The following TEX9 variants were observed in gnomAD, a reference collection of about 807,000 sequenced individuals.
TEX9 encodes the protein testis-expressed protein 9.
A neutral mutation model predicts 59.6 loss-of-function variants in TEX9; 74 were observed. That is an observed-to-expected ratio of 1.24 (90% CI 1.03 to 1.51). The LOEUF (loss-of-function observed/expected upper bound fraction) is 1.51, where lower values mean the gene tolerates loss of function less well. TEX9 is among the 40% of genes most tolerant of loss of function. The pLI is 0.00. For missense variants in TEX9, 522 were observed against 447.8 expected (o/e 1.17, Z -1.49); for synonymous variants, 186 against 152.2 (o/e 1.22, Z -1.64).
upstream of TEX9, among the ~76,000 whole-genome samples, chr15:56,364,685 T>C (rs1420717527): frequency 7.2e-5 from 11 of 152,188 alleles, no homozygotes; most frequent in African/African-American, 2.7e-4. Context: ...TGTCTCCCCA[T>C]CTGTTGAAGA....
At chr15:56,299,381 C>A (rs1227411689) in intron 1 of TEX9, among the ~76,000 whole-genome samples, 2 of 152,204 alleles carry the variant, frequency 1.3e-5, no homozygotes, top group Non-Finnish European at 2.9e-5. Flanking sequence ...GTGGTTGGAA[C>A]CTGAGTTCTG....
At chr15:56,443,584 T>C in intron 12 of TEX9, 1 of 1,585,462 alleles carries the variant, frequency 6.3e-7, no homozygotes, top group East Asian at 2.2e-5. Context: ...ATCCAAATTC[T>C]GTAACTAATA....
chr15:56,354,558 A>G (rs1266847484), intron 1 of TEX9, among the ~76,000 whole-genome samples: 1 of 152,230 alleles, frequency 6.6e-6, no homozygotes, highest in Non-Finnish European at 1.5e-5. Flanking sequence ...AGATTATTAC[A>G]TAATAATAAC....
chr15:56,386,571 C>A (rs80351429), intron 4 of TEX9, among the ~76,000 whole-genome samples: 4,629 of 151,876 alleles, frequency 0.03, 270 homozygotes, highest in African/African-American at 0.1. Flanking sequence ...TTAAGTACAT[C>A]AATTACACAT....
chr15:56,440,476 G>A (rs1193621262), intron 12 of TEX9, among the ~76,000 whole-genome samples: 1 of 152,148 alleles, frequency 6.6e-6, no homozygotes, highest in Non-Finnish European at 1.5e-5. Context: ...ATTTATTGCA[G>A]AGAAATGAAA....
intron 1 of TEX9, among the ~76,000 whole-genome samples, chr15:56,348,868 A>C (rs759043418): frequency 1.3e-4 from 20 of 152,038 alleles, no homozygotes; most frequent in Admixed American, 2.0e-4. Context: ...CTCATATGTT[A>C]CATACATTAG....
At chr15:56,393,362 A>C (rs2048306974) in intron 7 of TEX9, among the ~76,000 whole-genome samples, 1 of 152,174 alleles carries the variant, frequency 6.6e-6, no homozygotes, top group South Asian at 2.1e-4. Context: ...GCACTTAAAA[A>C]AGCTGGAAGT....
chr15:56,353,437 A>T (rs2046623556), intron 1 of TEX9, among the ~76,000 whole-genome samples: 1 of 152,238 alleles, frequency 6.6e-6, no homozygotes, highest in Non-Finnish European at 1.5e-5. Flanking sequence ...GGGGAAAAAT[A>T]TAAAATCATC....
At chr15:56,249,742 C>CAAA (rs11440856) in intron 1 of TEX9, among the ~76,000 whole-genome samples, 352 of 25,448 alleles carry the variant, frequency 0.014, 44 homozygotes, top group East Asian at 0.095. Flanking sequence ...GGATCTGTCT[C>CAAA]AAAAAAAAAA....
chr15:56,276,988 C>G (rs534054865), intron 1 of TEX9, among the ~76,000 whole-genome samples: 1 of 150,926 alleles, frequency 6.6e-6, no homozygotes, highest in South Asian at 2.1e-4. Flanking sequence ...TGCTCATATC[C>G]TTCGCCCAGT....
At chr15:56,406,420 A>T (rs1471429867) in intron 9 of TEX9, among the ~76,000 whole-genome samples, 1 of 152,176 alleles carries the variant, frequency 6.6e-6, no homozygotes, top group Non-Finnish European at 1.5e-5. Context: ...ATTTCCATGT[A>T]CAAGTATTCT....
intron 1 of TEX9, among the ~76,000 whole-genome samples, chr15:56,299,451 T>A (rs930877440): frequency 1.3e-5 from 2 of 152,108 alleles, no homozygotes; most frequent in African/African-American, 2.4e-5. Flanking sequence ...TGAAAAGCAG[T>A]CTAGGCCACA....
At chr15:56,418,861 T>A (rs1254551507) in intron 10 of TEX9, among the ~76,000 whole-genome samples, 4 of 151,956 alleles carry the variant, frequency 2.6e-5, no homozygotes, top group Admixed American at 6.6e-5. Flanking sequence ...ATGCCTTTTT[T>A]AAAAACATCC....
At chr15:56,412,698 G>T (rs1351795492) in intron 10 of TEX9, among the ~76,000 whole-genome samples, 1 of 152,084 alleles carries the variant, frequency 6.6e-6, no homozygotes, top group Non-Finnish European at 1.5e-5. Context: ...CATATTATAT[G>T]TCAGACACTT....
chr15:56,330,513 A>G (rs1196878781), intron 1 of TEX9, among the ~76,000 whole-genome samples: 2 of 152,194 alleles, frequency 1.3e-5, no homozygotes, highest in Non-Finnish European at 2.9e-5. Flanking sequence ...ACAAGCAATG[A>G]AAAGGTAAAA....
chr15:56,308,085 A>G (rs2045523653), intron 1 of TEX9, among the ~76,000 whole-genome samples: 1 of 152,176 alleles, frequency 6.6e-6, no homozygotes, highest in Admixed American at 6.5e-5. Context: ...TTTCATCAGT[A>G]TATATCTAGG....
At chr15:56,250,393 A>G (rs1289883568) in intron 1 of TEX9, among the ~76,000 whole-genome samples, 1 of 152,140 alleles carries the variant, frequency 6.6e-6, no homozygotes, top group Non-Finnish European at 1.5e-5. Flanking sequence ...TGGGAGAAAG[A>G]ATGGAGACAA....
intron 1 of TEX9, among the ~76,000 whole-genome samples, chr15:56,257,486 C>T (rs1407784102): frequency 6.6e-6 from 1 of 152,140 alleles, no homozygotes; most frequent in East Asian, 1.9e-4. Context: ...AACAACTGTT[C>T]TGACTAGTGT....
chr15:56,273,770 G>T (rs559777201), intron 1 of TEX9, among the ~76,000 whole-genome samples: 37 of 152,168 alleles, frequency 2.4e-4, no homozygotes, highest in African/African-American at 8.7e-4. Flanking sequence ...TTTCTAGCTT[G>T]CATAATTCCT....
Sources: allele counts gnomAD v4.1 joint callset (sites outside exome capture counted in the v4.1 genomes callset), GRCh38; gene constraint gnomAD v4.1.1; transcripts MANE v1.5; gene names NCBI Gene and HGNC (gene_info 2026-07-23, HGNC 2026-07-21).